The following DOCK8 variants were observed in gnomAD, a reference collection of about 807,000 sequenced individuals.
DOCK8 encodes the protein dedicator of cytokinesis protein 8.
DOCK8 carries 141 observed loss-of-function variants against 245.6 expected under a neutral mutation model. The ratio of observed to expected loss-of-function variants is 0.57; its 90% confidence interval spans 0.50 to 0.66. The LOEUF (loss-of-function observed/expected upper bound fraction) is 0.66, where lower values mean the gene tolerates loss of function less well. Among genes scored for constraint, DOCK8 ranks in the 30% least tolerant of loss-of-function variants. The pLI is 0.00. For missense variants in DOCK8, 2,965 were observed against 2,603.4 expected (o/e 1.14, Z -3.02); for synonymous variants, 1,168 against 970.2 (o/e 1.20, Z -3.79).
chr9:290,790 CCTCAGT>C (rs1236595459), intron 4 of DOCK8, among the ~76,000 whole-genome samples: 1 of 152,160 alleles, frequency 6.6e-6, no homozygotes, highest in African/African-American at 2.4e-5. Flanking sequence ...TCCTCCTATA[CCTCAGT>C]AAGAATTACT....
chr9:362,013 G>T lies in DOCK8; in HGVS notation c.1680-6005G>T, dbSNP rs528231800. On this transcript the variant is annotated intron_variant, in intron 14 of 47. Coordinates refer to ENST00000432829, the MANE Select transcript of DOCK8 (RefSeq NM_203447.4). ...ATACCCAGGAAAAGCAGCAGCAAGG[G>T]TTGTTCGACCTTGAACAACTACAGA... Among the ~76,000 whole-genome samples the T allele has an allele frequency of 2.0e-5, 3 of 152,246 alleles. No individual in the cohort carries two copies. In the East Asian group the frequency reaches 5.8e-4, roughly 29 times the overall value.
chr9:304,991 A>G (rs2049748718), intron 5 of DOCK8, among the ~76,000 whole-genome samples: 2 of 152,088 alleles, frequency 1.3e-5, no homozygotes. Context: ...TCCTGCAGAG[A>G]CTCTTGGTGC....
intron 2 of DOCK8, among the ~76,000 whole-genome samples, chr9:275,047 G>C (rs1443111815): frequency 2.6e-5 from 4 of 152,226 alleles, no homozygotes; most frequent in Non-Finnish European, 5.9e-5. Context: ...AATCTGGGAT[G>C]AGGTACAGTT....
chr9:237,820 A>G (rs1229130298), intron 1 of DOCK8, among the ~76,000 whole-genome samples: 3 of 152,166 alleles, frequency 2.0e-5, no homozygotes, highest in African/African-American at 7.2e-5. Context: ...AGGAAAAACC[A>G]CAATATTGAG....
In DOCK8 at chr9:396,951, C is replaced by G. The variant is rs373789788; in HGVS notation, c.3120+17C>G. 6.2e-7 allele frequency: 1 copy of G among 1,611,546 alleles called. No individual in the cohort carries two copies. The highest frequency in any genetic ancestry group is 8.5e-7 in the Non-Finnish European group (1 of 1,177,800). On this transcript the variant is annotated intron_variant, in intron 25 of 47. Coordinates refer to ENST00000432829, the MANE Select transcript of DOCK8 (RefSeq NM_203447.4). ...CCACAGAAGGTAACTGTATTTTACT[C>G]TTTATTTTCTAAATTGTTTACCTGG... is the stretch of plus-strand genomic sequence containing the variant.
intron 20 of DOCK8, 31 bp downstream of exon 20, chr9:377,242 G>T: frequency 6.5e-7 from 1 of 1,538,738 alleles, no homozygotes; most frequent in Non-Finnish European, 8.7e-7. Flanking sequence ...GCTGGGAGGA[G>T]GCAGGAGCAA....
chr9:290,041 CTT>C (rs1209759425), intron 4 of DOCK8, among the ~76,000 whole-genome samples: 3 of 152,152 alleles, frequency 2.0e-5, no homozygotes, highest in Non-Finnish European at 2.9e-5. Flanking sequence ...TCTTCAATGT[CTT>C]TTTGTGGCTT....
At chr9:450,523 A>T (rs542020051) in intron 45 of DOCK8, among the ~76,000 whole-genome samples, 1 of 152,318 alleles carries the variant, frequency 6.6e-6, no homozygotes, top group South Asian at 2.1e-4. Flanking sequence ...GGGAGGTACC[A>T]GCCTAATACC....
upstream of DOCK8, chr9:214,426 C>A (rs2046683004): frequency 9.9e-6 from 14 of 1,410,098 alleles, no homozygotes; most frequent in Middle Eastern, 3.6e-4. Flanking sequence ...TGATTTGAAT[C>A]CTGATAGATT....
In DOCK8 at chr9:350,103, A is replaced by G. The variant is rs143297969; in HGVS notation, c.1679+9782A>G. Among the ~76,000 whole-genome samples the G allele has an allele frequency of 1.6e-4, 24 of 151,950 alleles. No individual in the cohort carries two copies. The East Asian group carries it at 4.7e-3, about 29-fold the overall frequency. ...CGCAAACTTGGAGTTCTGTTTTCTC[A>G]TGCCCTTCTTTCATTTTCTTCTTTT... On this transcript the variant is annotated intron_variant, in intron 14 of 47. Transcript: ENST00000432829.
chr9:448,465 T>TGG (rs974865317), intron 44 of DOCK8, among the ~76,000 whole-genome samples: 15 of 152,202 alleles, frequency 9.9e-5, no homozygotes, highest in African/African-American at 3.6e-4. Flanking sequence ...TCTCAGCTGT[T>TGG]TGCTAGGGCT....
chr9:369,922 C>T (rs2053207232), intron 15 of DOCK8: 1 of 377,528 alleles, frequency 2.6e-6, no homozygotes, highest in Non-Finnish European at 5.0e-6. Context: ...TTGCCTCCGC[C>T]CCCTGAGTAG....
At chr9:451,301 A>G (rs1409521442) in intron 45 of DOCK8, among the ~76,000 whole-genome samples, 1 of 151,158 alleles carries the variant, frequency 6.6e-6, no homozygotes, top group African/African-American at 2.4e-5. Context: ...ACAGAGTAAG[A>G]CTCTGTCTCA....
intron 7 of DOCK8, among the ~76,000 whole-genome samples, chr9:319,686 C>G (rs1380081392): frequency 1.3e-5 from 2 of 151,650 alleles, no homozygotes; most frequent in African/African-American, 2.4e-5. Context: ...AAGTTGTAGA[C>G]ATCTGTAACT....
intron 3 of DOCK8, 151 bp downstream of exon 3, chr9:286,787 T>C (rs2048842022): frequency 1.2e-6 from 1 of 814,368 alleles, no homozygotes; most frequent in South Asian, 1.5e-5. Flanking sequence ...GATATCATCA[T>C]GTAAGTATAG....
chr9:432,261 G>T lies in DOCK8; in HGVS notation c.4722G>T (p.Leu1574Phe). ...ATGAAGAGCACCTGAGAAGATCCTT[G>T]AGGACAATTTTGGCCTATTCAGAAG... ...DFNEEHLRRS[L>F]RTILAYSEED... The change falls in exon 37 of 48, where the codon TTG (leucine) becomes TTT (phenylalanine). Residue 1574 changes from leucine to phenylalanine, a missense_variant. Around this residue, in one of 3 missense-constraint regions of DOCK8, gnomAD observed 2,825 missense variants for 2,453.5 expected, o/e 1.15. Transcript: ENST00000432829. 1.2e-6 allele frequency: 2 copies of T among 1,613,910 alleles called. No homozygotes were observed. The highest frequency in any genetic ancestry group is 1.7e-6 in the Non-Finnish European group (2 of 1,179,990).
intron 28 of DOCK8, among the ~76,000 whole-genome samples, chr9:412,996 C>T (rs534092779): frequency 2.6e-5 from 4 of 151,890 alleles, no homozygotes; most frequent in African/African-American, 9.7e-5. Context: ...ACTCACACTT[C>T]CCAATTTCAA....
intron 3 of DOCK8, among the ~76,000 whole-genome samples, chr9:287,391 A>G (rs572206575): frequency 1.3e-5 from 2 of 152,304 alleles, no homozygotes; most frequent in African/African-American, 4.8e-5. Context: ...GTTTAGGATA[A>G]ACTTTTATTT....
intron 28 of DOCK8, among the ~76,000 whole-genome samples, chr9:407,887 A>C (rs184477235): frequency 6.6e-6 from 1 of 152,292 alleles, no homozygotes; most frequent in East Asian, 1.9e-4. Flanking sequence ...ACTCAGATTC[A>C]AAGATGATTA....
Sources: allele counts gnomAD v4.1 joint callset (sites outside exome capture counted in the v4.1 genomes callset), GRCh38; gene constraint gnomAD v4.1.1; regional missense constraint gnomAD v4.1.1; transcripts MANE v1.5; gene names NCBI Gene and HGNC (gene_info 2026-07-23, HGNC 2026-07-21).